The following EXTL1 variants were observed in gnomAD, a reference collection of about 807,000 sequenced individuals.
EXTL1 encodes the protein exostosin like glycosyltransferase 1.
Under a neutral mutation model 64.6 loss-of-function variants are expected in EXTL1, and 43 were observed. The observed-to-expected ratio is 0.67, with a 90% confidence interval of 0.52 to 0.86. The LOEUF is 0.86. Ranked by LOEUF, EXTL1 falls within the 40% of genes least tolerant of loss-of-function variation. The pLI is 0.00. For missense variants in EXTL1, 766 were observed against 879.0 expected (o/e 0.87, Z 1.62); for synonymous variants, 352 against 360.5 (o/e 0.98, Z 0.27).
rs772980954 is a variant in EXTL1, at chr1:26,033,744, G to A, written c.1567G>A (p.Gly523Ser). The A allele has an allele frequency of 6.2e-7, 1 of 1,614,176 alleles. No individual in the cohort carries two copies. Among genetic ancestry groups the A allele is most frequent in the South Asian group, 1.1e-5 (1 of 91,076 alleles). ...GCAGAGCTTCCCAGAGCGGATGGTG[G>A]GCTTCCTGACGTCGAGCCATTTCTG... ...VWQSFPERMV[G>S]FLTSSHFWDE... The change falls in exon 9 of 11, where the codon GGC becomes AGC. Residue 523 changes from glycine to serine, a missense_variant. Around this residue, in one of 3 missense-constraint regions of EXTL1, gnomAD observed 194 missense variants for 214.5 expected, o/e 0.90. Coordinates refer to ENST00000374280, the MANE Select transcript of EXTL1 (RefSeq NM_004455.3). The surrounding 1 kb of genome is among the most constrained non-coding windows in gnomAD (Gnocchi z 5.1).
At chr1:26,026,976 C>G (rs146934448) in intron 1 of EXTL1, among the ~76,000 whole-genome samples, 52 of 152,356 alleles carry the variant, frequency 3.4e-4, no homozygotes, top group African/African-American at 1.2e-3. Flanking sequence ...CCAAAGACCA[C>G]CCACTGGCTG....
At chr1:26,029,773 G>A (rs569241644) in intron 3 of EXTL1, 66 bp downstream of exon 3, 20 of 1,067,662 alleles carry the variant, frequency 1.9e-5, no homozygotes, top group Admixed American at 4.0e-5. Context: ...CTAGAATCCT[G>A]GATCGAGGCT....
intron 1 of EXTL1, among the ~76,000 whole-genome samples, chr1:26,026,242 C>CAAAA: frequency 1.2e-5 from 1 of 84,490 alleles, no homozygotes; most frequent in African/African-American, 4.1e-5. Flanking sequence ...GACTCTGTTT[C>CAAAA]AAAAAAAAAA....
intron 3 of EXTL1, among the ~76,000 whole-genome samples, chr1:26,030,106 T>C (rs2050265971): frequency 6.6e-6 from 1 of 152,146 alleles, no homozygotes; most frequent in African/African-American, 2.4e-5. Flanking sequence ...GACTTTTCCA[T>C]CTGATGAAAC....
chr1:26,033,924 C>A lies in EXTL1; in HGVS notation c.1679+68C>A. Reference sequence around the variant, plus strand: ...CCAGAGACCCCACCCCCACCCCGAACGGAGCAGAGTGGCCTAGACCCCAGG... The same window carrying A: ...CCAGAGACCCCACCCCCACCCCGAAAGGAGCAGAGTGGCCTAGACCCCAGG... On this transcript the variant is annotated intron_variant, in intron 9 of 10. Transcript: ENST00000374280. The surrounding 1 kb of genome is among the most constrained non-coding windows in gnomAD (Gnocchi z 5.1). The A allele has an allele frequency of 2.0e-6, 3 of 1,472,120 alleles. No homozygotes were observed. The highest frequency in any genetic ancestry group is 2.7e-6 in the Non-Finnish European group (3 of 1,091,940). The allele number at this position is 1,472,120 out of a possible 1,614,324, so 91.2% of individuals were successfully genotyped here. A position where few individuals can be genotyped will look rare whatever the true frequency, so the allele number is the denominator to read the frequency against.
Position 26,034,832 on chromosome 1 carries a change from C to A in EXTL1, c.1680-4C>A, listed in dbSNP as rs762200674. On this transcript the variant is annotated splice_polypyrimidine_tract_variant and splice_region_variant and intron_variant, in intron 9 of 10. Transcript: ENST00000374280. The surrounding 1 kb of genome is among the most constrained non-coding windows in gnomAD (Gnocchi z 4.6). ...GCCTCTCCCTGTCTTTTCCTCTTGC[C>A]CAGGTATTACCACACTCTCTTCACC... The A allele has an allele frequency of 3.1e-6, 5 of 1,611,656 alleles. No individual in the cohort carries two copies. The East Asian group carries it at 1.1e-4, about 36-fold the overall frequency.
chr1:26,030,701 C>T, intron 4 of EXTL1, 106 bp downstream of exon 4: 1 of 1,273,970 alleles, frequency 7.8e-7, no homozygotes, highest in Non-Finnish European at 1.1e-6. Flanking sequence ...CCCCCCCTTC[C>T]TTGAAGATGG....
Position 26,031,120 on chromosome 1 carries a change from C to T in EXTL1, c.1102-12C>T, listed in dbSNP as rs776181139. 1.9e-6 allele frequency: 3 copies of T among 1,614,036 alleles called. No homozygotes were observed. The highest frequency in any genetic ancestry group is 2.5e-6 in the Non-Finnish European group (3 of 1,179,952). On this transcript the variant is annotated splice_polypyrimidine_tract_variant and intron_variant, in intron 4 of 10. Coordinates refer to ENST00000374280, the MANE Select transcript of EXTL1 (RefSeq NM_004455.3). The stretch of plus-strand genomic sequence containing the variant: ...AGGCCACTCGCTCTGCTCAGCTTCT[C>T]TCTCATTTTAGGTTATTCAGGACCG...
chr1:26,032,268 T>C (rs976073084), intron 6 of EXTL1, 128 bp from the exon 7 acceptor site: 2 of 642,624 alleles, frequency 3.1e-6, no homozygotes, highest in Non-Finnish European at 5.6e-6. Context: ...AACTAACCCT[T>C]CTCCCATGTG....
At chr1:26,027,434 C>G (rs1432907008) in intron 1 of EXTL1, among the ~76,000 whole-genome samples, 1 of 152,070 alleles carries the variant, frequency 6.6e-6, no homozygotes, top group Non-Finnish European at 1.5e-5. Context: ...AAAGTACATA[C>G]TCAATATAGG....
chr1:26,033,221 C>G lies in EXTL1; in HGVS notation c.1432-8C>G. ...AATGGCTGAGTTCCCCTCCCCCACT[C>G]CCTGCAGGTTAGTGATCGCTTCTAC... On this transcript the variant is annotated splice_region_variant and splice_polypyrimidine_tract_variant and intron_variant, in intron 7 of 10. Transcript: ENST00000374280. This position sits in a 1 kb window ranked among gnomAD's most constrained non-coding sequence, Gnocchi z 5.1. The G allele has an allele frequency of 6.2e-7, 1 of 1,605,722 alleles. No individual in the cohort carries two copies. The highest frequency in any genetic ancestry group is 8.5e-7 in the Non-Finnish European group (1 of 1,172,414).
Position 26,023,153 on chromosome 1 carries a change from C to G in EXTL1, c.507C>G (p.Cys169Trp), listed in dbSNP as rs776248783. Residue 169 changes from cysteine (C) to tryptophan (W), a missense_variant, in exon 1 of 11, where the codon TGC (cysteine) becomes TGG (tryptophan). Transcript: ENST00000374280. Reference protein sequence around the residue: ...HLVLRLHPAPCPRTFQLGQAM... With the variant: ...HLVLRLHPAPWPRTFQLGQAM... ...TCCTCCGTCTCCACCCGGCTCCCTG[C>G]CCCAGGACCTTCCAGCTGGGACAGG... is the stretch of plus-strand genomic sequence containing the variant. 2 of 1,613,852 alleles carry G rather than the reference C, an allele frequency of 1.2e-6. No homozygotes were observed. The highest frequency in any genetic ancestry group is 2.7e-5 in the African/African-American group (2 of 74,952).
chr1:26,030,417 C>A, intron 3 of EXTL1, 59 bp from the exon 4 acceptor site: 1 of 1,549,102 alleles, frequency 6.5e-7, no homozygotes, highest in South Asian at 1.2e-5. Flanking sequence ...ACTGCAGCGT[C>A]GACCTCCTGG....
chr1:26,023,680 G>A (rs1221162698), intron 1 of EXTL1, among the ~76,000 whole-genome samples: 4 of 152,126 alleles, frequency 2.6e-5, no homozygotes, highest in East Asian at 1.9e-4. Context: ...CATAAAACAC[G>A]ACTCATTCCA....
intron 1 of EXTL1, among the ~76,000 whole-genome samples, chr1:26,024,308 A>G (rs1266934951): frequency 6.6e-6 from 1 of 152,122 alleles, no homozygotes; most frequent in East Asian, 1.9e-4. Context: ...GAGGTTGTCC[A>G]GGGCCCCGGT....
At chr1:26,027,880 C>A (rs759231107) in intron 1 of EXTL1, among the ~76,000 whole-genome samples, 19 of 152,056 alleles carry the variant, frequency 1.2e-4, no homozygotes, top group Non-Finnish European at 2.2e-4. Flanking sequence ...CTTCCTCAGG[C>A]TGACAAGGCA....
rs2050149637 is a variant in EXTL1, at chr1:26,021,778, T to G, written c.-869T>G. 1 of 152,414 alleles carries G rather than the reference T, an allele frequency of 6.6e-6. No homozygotes were observed. Among genetic ancestry groups the G allele is most frequent in the African/African-American group, 2.4e-5 (1 of 41,422 alleles). 9.4% of individuals were successfully genotyped at this position (152,414 alleles called of 1,614,324 possible). On this transcript the variant is annotated 5_prime_UTR_variant, in exon 1 of 11. Coordinates refer to ENST00000374280, the MANE Select transcript of EXTL1 (RefSeq NM_004455.3). ...AGGAAAGAGATCAGGATGGGCCAGT[T>G]GCCGACTGGAGAGGGATGGGAGGAG...
At chr1:26,028,654 G>T (rs543119793) in intron 1 of EXTL1, among the ~76,000 whole-genome samples, 1 of 148,612 alleles carries the variant, frequency 6.7e-6, no homozygotes, top group African/African-American at 2.4e-5. Flanking sequence ...TGTCCTCTGG[G>T]CCAGGGGACC....
At position 26,035,514 on chromosome 1, in the gene EXTL1, AC is replaced by A. The variant is rs1218765556; in HGVS notation, c.*169del. ...AATCACAACAGGGGGGCGTGGCCTT[AC>A]CTTCTCCTGCTCGCCCTCAGCCGCG... On this transcript the variant is annotated 3_prime_UTR_variant, in exon 11 of 11. Transcript: ENST00000374280. This position sits in a 1 kb window ranked among gnomAD's most constrained non-coding sequence, Gnocchi z 5.3. 1 of 518,210 alleles carries A rather than the reference AC, an allele frequency of 1.9e-6. No individual in the cohort carries two copies. Among genetic ancestry groups the A allele is most frequent in the East Asian group, 3.1e-5 (1 of 32,438 alleles). 32.1% of individuals were successfully genotyped at this position (518,210 alleles called of 1,614,324 possible).
Sources: gnomAD v4.1 joint callset for allele counts (sites outside exome capture counted in the v4.1 genomes callset) on GRCh38, gnomAD v4.1.1 for gene constraint, gnomAD v4.1.1 regional missense constraint, Gnocchi (gnomAD v3.1) non-coding constraint, MANE v1.5 for transcripts, NCBI Gene and HGNC (gene_info 2026-07-23, HGNC 2026-07-21) for gene names.